ZC2HC1B: variants seen among roughly 807,000 people sequenced by gnomAD.
ZC2HC1B encodes zinc finger C2HC domain-containing protein 1B.
A neutral mutation model predicts 31.0 loss-of-function variants in ZC2HC1B; 36 were observed. The ratio of observed to expected loss-of-function variants is 1.16; its 90% CI spans 0.89 to 1.54. ZC2HC1B has a LOEUF of 1.54. ZC2HC1B is among the 40% of genes most tolerant of loss of function. The pLI is 0.00. For missense variants in ZC2HC1B, 260 were observed against 268.6 expected (o/e 0.97, Z 0.22); for synonymous variants, 73 against 88.0 (o/e 0.83, Z 0.95).
At position 143,935,884 on chromosome 6, in the gene ZC2HC1B, A is replaced by C. The variant is rs138729646; in HGVS notation, c.599-1765A>C. 6.3e-3 allele frequency among the ~76,000 whole-genome samples: 959 copies of C among 152,168 alleles called. 10 individuals carry two copies. The highest frequency in any genetic ancestry group is 0.022 in the African/African-American group (924 of 41,512). On this transcript the variant is annotated intron_variant, in intron 6 of 7. Coordinates refer to ENST00000237275, the MANE Select transcript of ZC2HC1B (RefSeq NM_001013623.3). ...AGACTGGTCTTGAACTCCTAGGCTC[A>C]AGCAATCCTCCTGCCTTGGCCTCTC...
At chr6:143,927,895 GA>G (rs1333903892) in intron 6 of ZC2HC1B, among the ~76,000 whole-genome samples, 1 of 152,156 alleles carries the variant, frequency 6.6e-6, no homozygotes, top group Non-Finnish European at 1.5e-5. Flanking sequence ...TAGTGATGTT[GA>G]ATATTTTTTC....
intron 4 of ZC2HC1B, among the ~76,000 whole-genome samples, chr6:143,888,122 G>T (rs530138780): frequency 1.2e-4 from 18 of 152,044 alleles, no homozygotes; most frequent in Admixed American, 9.2e-4. Context: ...TTTGCATGTG[G>T]ATATCCAGTT....
In ZC2HC1B at chr6:143,898,797, C is replaced by T. The variant is rs977476161; in HGVS notation, c.489+106C>T. On this transcript the variant is annotated intron_variant, in intron 5 of 7. Transcript: ENST00000237275. ...AGTTACCCATCCTAAGAAGTGTAAG[C>T]GTGAAGAGAGCTGATCATGATTGCT... The T allele has an allele frequency of 4.8e-5, 66 of 1,375,584 alleles. 3 individuals carry two copies. In the South Asian group the frequency reaches 5.4e-4, roughly 11 times the overall value. 85.2% of individuals were successfully genotyped at this position (1,375,584 alleles called of 1,614,324 possible).
rs1269803797 is a variant in ZC2HC1B at position 143,933,435 on chromosome 6, A to G, written c.599-4214A>G. ...TATGTCTTTTGTGATTCACTATTGGACCGGGTAGAGAAATACTATCAGGTG... is the reference window on the plus strand; with the variant it reads ...TATGTCTTTTGTGATTCACTATTGGGCCGGGTAGAGAAATACTATCAGGTG... On this transcript the variant is annotated intron_variant, in intron 6 of 7. Coordinates refer to ENST00000237275, the MANE Select transcript of ZC2HC1B (RefSeq NM_001013623.3). The surrounding 1 kb of genome is among the most constrained non-coding windows in gnomAD (Gnocchi z 6.4). Among the ~76,000 whole-genome samples, 5 of 152,044 alleles carry G rather than the reference A, an allele frequency of 3.3e-5. No homozygotes were observed. Among genetic ancestry groups the G allele is most frequent in the Admixed American group, 3.3e-4 (5 of 15,256 alleles).
chr6:143,880,633 G>GCAGGT (rs1777455921), intron 1 of ZC2HC1B, among the ~76,000 whole-genome samples: 1 of 151,996 alleles, frequency 6.6e-6, no homozygotes, highest in African/African-American at 2.4e-5. Context: ...TTTTGGCTTT[G>GCAGGT]CAGGTCATAT....
At chr6:143,892,368 T>C (rs544244490) in intron 4 of ZC2HC1B, among the ~76,000 whole-genome samples, 27 of 150,854 alleles carry the variant, frequency 1.8e-4, no homozygotes, top group Middle Eastern at 3.4e-3. Context: ...TGATCTCAGC[T>C]CACTGCAACC....
chr6:143,874,054 G>T (rs1297092424), intron 1 of ZC2HC1B, among the ~76,000 whole-genome samples: 3 of 152,114 alleles, frequency 2.0e-5, no homozygotes, highest in Non-Finnish European at 2.9e-5. Flanking sequence ...ATTTTTAACA[G>T]CACCCAAGTC....
rs1462303272 is a variant in ZC2HC1B, at chr6:143,898,649, T to A, written c.447T>A (p.Phe149Leu). Residue 149 changes from phenylalanine to leucine, a missense_variant, in exon 5 of 8, where the codon TTT (phenylalanine) becomes TTA (leucine). By Grantham distance (22) the Phe-to-Leu change is conservative. Transcript: ENST00000237275. ...FCKDQSSRRV[F>L]NPAQTAAKLA... ...AGGATCAGTCTTCTCGCCGAGTCTT[T>A]AATCCAGCTCAGACAGCAGCCAAAT... is the stretch of plus-strand genomic sequence containing the variant. 3.9e-6 allele frequency: 6 copies of A among 1,552,068 alleles called. No individual in the cohort carries two copies. The South Asian group carries it at 7.1e-5, about 18-fold the overall frequency.
chr6:143,887,628 A>G lies in ZC2HC1B; in HGVS notation c.349+807A>G, dbSNP rs1000133848. Among the ~76,000 whole-genome samples the G allele has an allele frequency of 2.6e-5, 4 of 152,170 alleles. No individual in the cohort carries two copies. Among genetic ancestry groups the G allele is most frequent in the African/African-American group, 9.6e-5 (4 of 41,466 alleles). On this transcript the variant is annotated intron_variant, in intron 4 of 7. Coordinates refer to ENST00000237275, the MANE Select transcript of ZC2HC1B (RefSeq NM_001013623.3). This position sits in a 1 kb window ranked among gnomAD's most constrained non-coding sequence, Gnocchi z 5.1. ...CTCTTCGGTCTTTATTAAATCTTGA[A>G]CAATATCCCTACCAGGCTATTCACC...
At chr6:143,881,143 T>G (rs935958244) in intron 1 of ZC2HC1B, among the ~76,000 whole-genome samples, 2 of 152,308 alleles carry the variant, frequency 1.3e-5, no homozygotes, top group East Asian at 3.9e-4. Context: ...ATCTCTCTAA[T>G]TTTTGTCATT....
intron 1 of ZC2HC1B, among the ~76,000 whole-genome samples, chr6:143,879,036 G>A (rs749166991): frequency 4.6e-5 from 7 of 152,108 alleles, no homozygotes; most frequent in Non-Finnish European, 7.4e-5. Context: ...GGCAGGGCGC[G>A]ATCTAGGAAT....
rs1777538157 is a variant in ZC2HC1B, at chr6:143,886,979, A to G, written c.349+158A>G. Among the ~76,000 whole-genome samples the G allele has an allele frequency of 6.6e-6, 1 of 152,194 alleles. No homozygotes were observed. The highest frequency in any genetic ancestry group is 1.5e-5 in the Non-Finnish European group (1 of 68,042). ...TCCTATTTTTTTCAATTCTGCATAA[A>G]GATTCTGTGTTTCCTTCTAACTCTG... On this transcript the variant is annotated intron_variant, in intron 4 of 7. Transcript: ENST00000237275. This position sits in a 1 kb window ranked among gnomAD's most constrained non-coding sequence, Gnocchi z 4.2.
Position 143,908,454 on chromosome 6 carries a change from A to C in ZC2HC1B, c.598+5302A>C, listed in dbSNP as rs928662793. Among the ~76,000 whole-genome samples the C allele has an allele frequency of 7.2e-5, 11 of 152,006 alleles. No individual in the cohort carries two copies. Among genetic ancestry groups the C allele is most frequent in the African/African-American group, 2.7e-4 (11 of 41,372 alleles). On this transcript the variant is annotated intron_variant, in intron 6 of 7. Coordinates refer to ENST00000237275, the MANE Select transcript of ZC2HC1B (RefSeq NM_001013623.3). The surrounding 1 kb of genome is among the most constrained non-coding windows in gnomAD (Gnocchi z 4.4). Reference sequence around the variant, plus strand: ...GTTTGTGTCATCTCTGATTTCTTTGAGCAGTGGTTTATAGTTCTCTTTGAA... The same window carrying C: ...GTTTGTGTCATCTCTGATTTCTTTGCGCAGTGGTTTATAGTTCTCTTTGAA...
At chr6:143,889,740 A>G (rs1432278270) in intron 4 of ZC2HC1B, among the ~76,000 whole-genome samples, 1 of 152,162 alleles carries the variant, frequency 6.6e-6, no homozygotes, top group Non-Finnish European at 1.5e-5. Context: ...CTCTTCTCTT[A>G]GTAACTGATA....
Position 143,886,254 on chromosome 6 carries a change from G to A in ZC2HC1B, c.210+103G>A. The A allele has an allele frequency of 1.7e-6, 2 of 1,211,354 alleles. No homozygotes were observed. The highest frequency in any genetic ancestry group is 1.1e-6 in the Non-Finnish European group (1 of 937,428). The allele number at this position is 1,211,354 out of a possible 1,614,324, so 75.0% of individuals were successfully genotyped here. A position where few individuals can be genotyped will look rare whatever the true frequency, so the allele number is the denominator to read the frequency against. ...CATTTTTGCTTGATAATACAGTAATGTAATGTAACTGTAATCCACCTTTAC... is the reference window on the plus strand; with the variant it reads ...CATTTTTGCTTGATAATACAGTAATATAATGTAACTGTAATCCACCTTTAC... On this transcript the variant is annotated intron_variant, in intron 3 of 7. Transcript: ENST00000237275. This position sits in a 1 kb window ranked among gnomAD's most constrained non-coding sequence, Gnocchi z 4.2.
rs113426208 is a variant in ZC2HC1B at position 143,933,673 on chromosome 6, C to T, written c.599-3976C>T. Reference sequence around the variant, plus strand: ...TTGGCAAGGCCAGTCTCACTCCCACCGTGCCCTGCTAACCGTGCCAAGTTT... The same window carrying T: ...TTGGCAAGGCCAGTCTCACTCCCACTGTGCCCTGCTAACCGTGCCAAGTTT... On this transcript the variant is annotated intron_variant, in intron 6 of 7. Coordinates refer to ENST00000237275, the MANE Select transcript of ZC2HC1B (RefSeq NM_001013623.3). This position sits in a 1 kb window ranked among gnomAD's most constrained non-coding sequence, Gnocchi z 6.4. Among the ~76,000 whole-genome samples, 73 of 152,276 alleles carry T rather than the reference C, an allele frequency of 4.8e-4. No homozygotes were observed. The highest frequency in any genetic ancestry group is 3.4e-3 in the Middle Eastern group (1 of 294).
chr6:143,919,554 C>A (rs1412649785), intron 6 of ZC2HC1B, among the ~76,000 whole-genome samples: 1 of 152,106 alleles, frequency 6.6e-6, no homozygotes, highest in Non-Finnish European at 1.5e-5. Context: ...ACAATGGCCA[C>A]CTGCCTCTTT....
At position 143,921,525 on chromosome 6, in the gene ZC2HC1B, C is replaced by A. The variant is rs554343572; in HGVS notation, c.599-16124C>A. ...TATCATTTCACACTCAAATTATTAT[C>A]ATAGAATAGAATTATCATGTTAATT... On this transcript the variant is annotated intron_variant, in intron 6 of 7. Coordinates refer to ENST00000237275, the MANE Select transcript of ZC2HC1B (RefSeq NM_001013623.3). This position sits in a 1 kb window ranked among gnomAD's most constrained non-coding sequence, Gnocchi z 6.1. Among the ~76,000 whole-genome samples the A allele has an allele frequency of 6.6e-6, 1 of 152,276 alleles. No individual in the cohort carries two copies. Among genetic ancestry groups the A allele is most frequent in the South Asian group, 2.1e-4 (1 of 4,822 alleles).
rs890454768 is a variant in ZC2HC1B at position 143,869,998 on chromosome 6, G to A, written c.28+5431G>A. On this transcript the variant is annotated intron_variant, in intron 1 of 7. Coordinates refer to ENST00000237275, the MANE Select transcript of ZC2HC1B (RefSeq NM_001013623.3). The surrounding 1 kb of genome is among the most constrained non-coding windows in gnomAD (Gnocchi z 5.2). Reference sequence around the variant, plus strand: ...GTCACCAGTTGGTGAGCATTCACATGGGATACAAATATCTTTCCAGTTTTT... The same window carrying A: ...GTCACCAGTTGGTGAGCATTCACATAGGATACAAATATCTTTCCAGTTTTT... Among the ~76,000 whole-genome samples, 1 of 152,136 alleles carries A rather than the reference G, an allele frequency of 6.6e-6. No individual in the cohort carries two copies. Among genetic ancestry groups the A allele is most frequent in the South Asian group, 2.1e-4 (1 of 4,824 alleles).
Sources: allele counts gnomAD v4.1 joint callset (sites outside exome capture counted in the v4.1 genomes callset), GRCh38; gene constraint gnomAD v4.1.1; non-coding constraint Gnocchi (gnomAD v3.1); transcripts MANE v1.5; gene names NCBI Gene and HGNC (gene_info 2026-07-23, HGNC 2026-07-21).